The following PRKG1 variants were observed in gnomAD, a reference collection of about 807,000 sequenced individuals.
The protein encoded by PRKG1 is protein kinase cGMP-dependent 1.
A neutral mutation model predicts 88.1 loss-of-function variants in PRKG1; 35 were observed. The ratio of observed to expected loss-of-function variants is 0.40; its 90% CI spans 0.30 to 0.53. The LOEUF (loss-of-function observed/expected upper bound fraction) is 0.53. Ranked by LOEUF, PRKG1 falls within the 20% of genes least tolerant of loss-of-function variation. The probability of loss-of-function intolerance (pLI) is 0.59; values close to 1 mark genes in which losing one functional copy is unlikely to be tolerated. For missense variants in PRKG1, 540 were observed against 839.8 expected (o/e 0.64, Z 4.41); for synonymous variants, 303 against 292.5 (o/e 1.04, Z -0.37).
chr10:52,113,496 G>T (rs191192752), intron 7 of PRKG1, among the ~76,000 whole-genome samples: 5 of 152,182 alleles, frequency 3.3e-5, no homozygotes, highest in African/African-American at 9.6e-5. Flanking sequence ...AATTAGGAAG[G>T]CAGATTTGGC....
intron 7 of PRKG1, among the ~76,000 whole-genome samples, chr10:52,076,187 T>A (rs113797064): frequency 0.01 from 1,526 of 152,216 alleles, 25 homozygotes; most frequent in African/African-American, 0.034. Flanking sequence ...AACTACAATC[T>A]TCAGGAAAAA....
intron 2 of PRKG1, among the ~76,000 whole-genome samples, chr10:51,258,806 A>G (rs1839630072): frequency 1.3e-5 from 2 of 152,264 alleles, no homozygotes; most frequent in Non-Finnish European, 2.9e-5. Context: ...GGCAAATGCC[A>G]GCTATCAGTG....
At chr10:52,038,375 G>A (rs540284668) in intron 5 of PRKG1, among the ~76,000 whole-genome samples, 57 of 151,980 alleles carry the variant, frequency 3.8e-4, no homozygotes, top group Non-Finnish European at 5.9e-4. Flanking sequence ...ATGGAAATAA[G>A]GGATGAAGCA....
chr10:51,601,193 A>T (rs963534124), intron 3 of PRKG1, among the ~76,000 whole-genome samples: 6 of 152,148 alleles, frequency 3.9e-5, no homozygotes, highest in African/African-American at 1.4e-4. Flanking sequence ...TGTATTCCCA[A>T]CTTCTTGGGG....
intron 1 of PRKG1, among the ~76,000 whole-genome samples, chr10:51,126,086 TTATA>T (rs1845397041): frequency 8.4e-6 from 1 of 118,982 alleles, no homozygotes. Context: ...AATTATATAA[TTATA>T]TAATAATATA....
chr10:51,840,821 C>G (rs986149848), intron 4 of PRKG1, among the ~76,000 whole-genome samples: 2 of 152,228 alleles, frequency 1.3e-5, no homozygotes, highest in South Asian at 4.1e-4. Flanking sequence ...GCTGGGATTA[C>G]AGGTATGACC....
At chr10:51,300,953 A>G (rs1179423246) in intron 2 of PRKG1, among the ~76,000 whole-genome samples, 1 of 152,122 alleles carries the variant, frequency 6.6e-6, no homozygotes, top group Non-Finnish European at 1.5e-5. Context: ...TTCTAATTTC[A>G]CTTTCCTCTT....
intron 5 of PRKG1, among the ~76,000 whole-genome samples, chr10:51,926,351 A>T (rs1048820036): frequency 1.4e-4 from 22 of 152,214 alleles, no homozygotes; most frequent in Admixed American, 1.2e-3. Flanking sequence ...GGTGAGGGGG[A>T]TAATAGCCTC....
intron 5 of PRKG1, among the ~76,000 whole-genome samples, chr10:52,024,217 A>C (rs2133197194): frequency 6.6e-6 from 1 of 152,244 alleles, no homozygotes; most frequent in East Asian, 1.9e-4. Flanking sequence ...TGTCCAAAGT[A>C]ATTTACAGAT....
intron 4 of PRKG1, among the ~76,000 whole-genome samples, chr10:51,830,681 C>G (rs969539504): frequency 6.6e-6 from 1 of 151,404 alleles, no homozygotes; most frequent in Non-Finnish European, 1.5e-5. Context: ...CCTACCTCAG[C>G]CTCCTGAGTA....
chr10:51,644,704 A>G (rs1477789576), intron 3 of PRKG1, among the ~76,000 whole-genome samples: 2 of 152,156 alleles, frequency 1.3e-5, no homozygotes, highest in Non-Finnish European at 2.9e-5. Context: ...TCAGAAGGAA[A>G]TAGTGTTTAG....
chr10:51,834,677 A>G (rs1369270115), intron 4 of PRKG1, among the ~76,000 whole-genome samples: 1 of 143,762 alleles, frequency 7.0e-6, no homozygotes, highest in East Asian at 2.0e-4. Flanking sequence ...AGAAAGAAAG[A>G]CAGAAAGAAA....
intron 1 of PRKG1, among the ~76,000 whole-genome samples, chr10:50,998,948 T>C (rs901538663): frequency 1.4e-4 from 21 of 152,346 alleles, no homozygotes; most frequent in Admixed American, 9.8e-4. Context: ...CTTAACTTTC[T>C]CTGCACTGCT....
At chr10:52,068,621 G>A (rs1004292980) in intron 7 of PRKG1, among the ~76,000 whole-genome samples, 1 of 152,150 alleles carries the variant, frequency 6.6e-6, no homozygotes, top group African/African-American at 2.4e-5. Flanking sequence ...TTAGTTTAAT[G>A]CTTCCCTAAA....
At chr10:52,166,817 ATGTATATATATG>A (rs1838469885) in intron 9 of PRKG1, among the ~76,000 whole-genome samples, 6 of 3,358 alleles carry the variant, frequency 1.8e-3, no homozygotes, top group Admixed American at 5.7e-3. Context: ...ATGTATATAT[ATGTATATATATG>A]TATATATATG....
chr10:51,151,504 TG>T (rs1209828181), intron 1 of PRKG1, among the ~76,000 whole-genome samples: 1 of 151,858 alleles, frequency 6.6e-6, no homozygotes, highest in African/African-American at 2.4e-5. Flanking sequence ...TCAAAATTTT[TG>T]AGGTGTCAGG....
chr10:51,955,428 A>G (rs577826844), intron 5 of PRKG1, among the ~76,000 whole-genome samples: 46 of 152,296 alleles, frequency 3.0e-4, no homozygotes, highest in Admixed American at 7.9e-4. Flanking sequence ...CATATGTACT[A>G]TACTTTTAAT....
At chr10:51,786,421 CT>C (rs1279172256) in intron 3 of PRKG1, among the ~76,000 whole-genome samples, 1 of 152,030 alleles carries the variant, frequency 6.6e-6, no homozygotes, top group Non-Finnish European at 1.5e-5. Context: ...GTTTTGCTAG[CT>C]TTGTTTGCAT....
intron 4 of PRKG1, among the ~76,000 whole-genome samples, chr10:51,856,966 TAAAAAAAAGAAAAA>T (rs1840697775): frequency 2.1e-5 from 2 of 96,794 alleles, no homozygotes; most frequent in Admixed American, 9.8e-5. Flanking sequence ...TCCGTCTTAC[TAAAAAAAAGAAAAA>T]AAAAAAAAGA....
Sources: gnomAD v4.1 joint callset for allele counts (sites outside exome capture counted in the v4.1 genomes callset) on GRCh38, gnomAD v4.1.1 for gene constraint, MANE v1.5 for transcripts, NCBI Gene and HGNC (gene_info 2026-07-23, HGNC 2026-07-21) for gene names.